MAST4: variants seen among roughly 807,000 people sequenced by gnomAD.
The protein encoded by MAST4 is microtubule associated serine/threonine kinase family member 4.
Under a neutral mutation model 162.7 loss-of-function variants are expected in MAST4, and 89 were observed. The ratio of observed to expected loss-of-function variants is 0.55; its 90% confidence interval spans 0.46 to 0.65. MAST4 has a LOEUF of 0.65. Among genes scored for constraint, MAST4 ranks in the 30% least tolerant of loss-of-function variants. The pLI is 0.00. For synonymous variants in MAST4, 1,479 were observed against 1,361.1 expected (o/e 1.09, Z -1.91); for missense variants, 3,153 against 3,374.0 (o/e 0.93, Z 1.62).
In MAST4 at chr5:67,090,202, T is replaced by C. The variant is rs761445923; in HGVS notation, c.804T>C (p.Ser268=). The C allele has an allele frequency of 1.9e-6, 3 of 1,612,908 alleles. No homozygotes were observed. In the Admixed American group the frequency reaches 5.0e-5, roughly 27 times the overall value. Residue 268 remains serine (S), a synonymous_variant, in exon 6 of 29, where the codon AGT becomes AGC. Coordinates refer to ENST00000403625, the MANE Select transcript of MAST4 (RefSeq NM_001164664.2). ...ATAGTCCAAGAAATTTCTCCCCCAGTGCCTCAGCCCATTTTTCATTTGCAC... is the reference window on the plus strand; with the variant it reads ...ATAGTCCAAGAAATTTCTCCCCCAGCGCCTCAGCCCATTTTTCATTTGCAC... ...PQDSPRNFSP[S]ASAHFSFARR...
At chr5:67,088,479 T>C (rs1763494557) in intron 5 of MAST4, among the ~76,000 whole-genome samples, 2 of 152,230 alleles carry the variant, frequency 1.3e-5, no homozygotes, top group South Asian at 2.1e-4. Context: ...TTAGATTATT[T>C]CCTTTAGGAA....
intron 17 of MAST4, among the ~76,000 whole-genome samples, 198 bp from the exon 18 acceptor site, chr5:67,134,325 T>A (rs1769355317): frequency 6.6e-6 from 1 of 152,208 alleles, no homozygotes; most frequent in African/African-American, 2.4e-5. Context: ...AACTGTAAAC[T>A]TCCCGTCTTT....
At chr5:67,081,408 G>A (rs570876992) in intron 5 of MAST4, among the ~76,000 whole-genome samples, 75 of 152,108 alleles carry the variant, frequency 4.9e-4, no homozygotes, top group African/African-American at 1.8e-3. Context: ...AGAGGTCAAA[G>A]TGAGGTGAAT....
chr5:67,121,592 G>A (rs1423936791), intron 14 of MAST4, among the ~76,000 whole-genome samples: 1 of 151,050 alleles, frequency 6.6e-6, no homozygotes, highest in Non-Finnish European at 1.5e-5. Context: ...GTGTCCAGTC[G>A]TTTGTCTTCC....
chr5:66,633,509 T>C (rs1428921608), intron 1 of MAST4, among the ~76,000 whole-genome samples: 1 of 152,192 alleles, frequency 6.6e-6, no homozygotes, highest in Non-Finnish European at 1.5e-5. Context: ...ATTAAAAATA[T>C]TTTATCACCA....
At chr5:66,779,233 A>G (rs1222915363) in intron 2 of MAST4, among the ~76,000 whole-genome samples, 1 of 151,856 alleles carries the variant, frequency 6.6e-6, no homozygotes, top group Non-Finnish European at 1.5e-5. Context: ...GCATCACCCT[A>G]CTCCCAATAC....
chr5:67,129,365 G>GC (rs1407890048), intron 14 of MAST4, among the ~76,000 whole-genome samples: 4 of 152,142 alleles, frequency 2.6e-5, no homozygotes, highest in Non-Finnish European at 4.4e-5. Context: ...TGAATTGGAA[G>GC]CCAGATACTC....
chr5:66,945,997 C>T (rs1012479079), intron 4 of MAST4, among the ~76,000 whole-genome samples: 3 of 152,242 alleles, frequency 2.0e-5, no homozygotes, highest in East Asian at 1.9e-4. Context: ...TTCAAAATAA[C>T]GCAGCCTCTC....
At chr5:66,897,542 C>T (rs1191606158) in intron 3 of MAST4, among the ~76,000 whole-genome samples, 1 of 152,240 alleles carries the variant, frequency 6.6e-6, no homozygotes, top group African/African-American at 2.4e-5. Context: ...GGCCACAGCA[C>T]ATTCATTTCT....
At chr5:67,088,021 T>C (rs1222888513) in intron 5 of MAST4, among the ~76,000 whole-genome samples, 2 of 152,206 alleles carry the variant, frequency 1.3e-5, no homozygotes, top group African/African-American at 4.8e-5. Context: ...TTTTTTTATT[T>C]TTTAGAGCAG....
intron 4 of MAST4, among the ~76,000 whole-genome samples, chr5:66,974,612 C>T (rs78412666): frequency 0.048 from 7,365 of 152,208 alleles, 566 homozygotes; most frequent in African/African-American, 0.16. Context: ...GCATTTCCTT[C>T]GTCTCCAGCT....
intron 3 of MAST4, among the ~76,000 whole-genome samples, chr5:66,897,605 C>G (rs1306994298): frequency 6.6e-6 from 1 of 152,216 alleles, no homozygotes; most frequent in East Asian, 1.9e-4. Context: ...ATTGAGTTTC[C>G]AGTCCTGAGC....
Position 66,919,736 on chromosome 5 carries a change from C to A in MAST4, c.674+19754C>A, listed in dbSNP as rs1407830818. On this transcript the variant is annotated intron_variant, in intron 4 of 28. Coordinates refer to ENST00000403625, the MANE Select transcript of MAST4 (RefSeq NM_001164664.2). Reference sequence around the variant, plus strand: ...AGTACTCATATAAAAAACTAATAGGCACTTTATTTACCCTGATTTTGGTCT... The same window carrying A: ...AGTACTCATATAAAAAACTAATAGGAACTTTATTTACCCTGATTTTGGTCT... 5.3e-5 allele frequency among the ~76,000 whole-genome samples: 8 copies of A among 151,088 alleles called. No individual in the cohort carries two copies. In the South Asian group the frequency reaches 6.3e-4, roughly 12 times the overall value.
intron 3 of MAST4, among the ~76,000 whole-genome samples, chr5:66,824,872 A>G (rs1757167151): frequency 6.6e-6 from 1 of 152,216 alleles, no homozygotes; most frequent in Non-Finnish European, 1.5e-5. Flanking sequence ...AATACAATAT[A>G]AAAGATATTT....
At chr5:66,844,204 C>A (rs537163716) in intron 3 of MAST4, among the ~76,000 whole-genome samples, 1 of 120,794 alleles carries the variant, frequency 8.3e-6, no homozygotes, top group African/African-American at 3.2e-5. Context: ...TGTGTTGGGG[C>A]GGGGGGATTA....
At chr5:67,104,286 C>A in intron 9 of MAST4, 80 bp from the exon 10 acceptor site, 3 of 1,109,368 alleles carry the variant, frequency 2.7e-6, no homozygotes, top group Non-Finnish European at 4.1e-6. Flanking sequence ...TCTGAAAATG[C>A]TGTAAAAATG....
chr5:66,971,327 G>A (rs572970582), intron 4 of MAST4, among the ~76,000 whole-genome samples: 3 of 152,280 alleles, frequency 2.0e-5, no homozygotes, highest in Admixed American at 1.3e-4. Context: ...AAATCAGGCC[G>A]TGGGCCCCAG....
Position 66,845,085 on chromosome 5 carries a change from T to TTATATA in MAST4, c.643-54829_643-54824dup, listed in dbSNP as rs752796951. On this transcript the variant is annotated intron_variant, in intron 3 of 28. Coordinates refer to ENST00000403625, the MANE Select transcript of MAST4 (RefSeq NM_001164664.2). ...ACTGACCCATTAAGGTCACTAATCT[T>TTATATA]TATATATATATATATATATATATAT... 4.4e-3 allele frequency among the ~76,000 whole-genome samples: 254 copies of TTATATA among 57,912 alleles called. 6 individuals are homozygous for TTATATA. Among genetic ancestry groups the TTATATA allele is most frequent in the African/African-American group, 0.015 (207 of 14,076 alleles). The allele number at this position is 57,912 out of a possible 152,430, so 38.0% of individuals were successfully genotyped here. A position where few individuals can be genotyped will look rare whatever the true frequency, so the allele number is the denominator to read the frequency against.
intron 1 of MAST4, among the ~76,000 whole-genome samples, chr5:66,623,582 T>A (rs966867088): frequency 5.3e-5 from 8 of 152,180 alleles, no homozygotes; most frequent in African/African-American, 1.9e-4. Context: ...TTAACATTAT[T>A]TTATGATTAA....
Sources: gnomAD v4.1 joint callset for allele counts (sites outside exome capture counted in the v4.1 genomes callset) on GRCh38, gnomAD v4.1.1 for gene constraint, MANE v1.5 for transcripts, NCBI Gene and HGNC (gene_info 2026-07-23, HGNC 2026-07-21) for gene names.